The following KCNG4 variants were observed in gnomAD, a reference collection of about 807,000 sequenced individuals.
KCNG4 encodes voltage-gated potassium channel regulatory subunit KCNG4.
Under a neutral mutation model 28.2 loss-of-function variants are expected in KCNG4, and 30 were observed. The ratio of observed to expected loss-of-function variants is 1.06; its 90% CI spans 0.80 to 1.44. The LOEUF (loss-of-function observed/expected upper bound fraction) is 1.44. KCNG4 is among the 40% of genes most tolerant of loss of function. The probability of loss-of-function intolerance (pLI) is 0.00; values close to 1 mark genes in which losing one functional copy is unlikely to be tolerated. For missense variants in KCNG4, 879 were observed against 712.3 expected, an observed-to-expected ratio of 1.23 and a Z score of -2.66; for synonymous variants, 375 against 315.5, an observed-to-expected ratio of 1.19 and a Z score of -2.00.
intron 2 of KCNG4, 100 bp from the exon 3 acceptor site, chr16:84,223,120 C>G (rs894895138): frequency 2.1e-6 from 2 of 975,502 alleles, no homozygotes; most frequent in Admixed American, 3.1e-5. Flanking sequence ...GTGCTGTAAA[C>G]TTAGTCGTCC....
rs201203740 is a variant in KCNG4 at position 84,222,938 on chromosome 16, C to T, written c.839G>A (p.Arg280Gln). The change falls in exon 3 of 3, where the codon CGG becomes CAG. Residue 280 changes from arginine to glutamine, a missense_variant. By Grantham distance (43) the Arg-to-Gln change is conservative (BLOSUM62 1). Transcript: ENST00000308251. Reference sequence around the variant, plus strand: ...ACACTTGTCTTGGGCCTGGACAAACCGCAGGCAGAACTCCAGGGAGAACCA... The same window carrying T: ...ACACTTGTCTTGGGCCTGGACAAACTGCAGGCAGAACTCCAGGGAGAACCA... ...VAWFSLEFCL[R>Q]FVQAQDKCQF... 1.2e-4 allele frequency: 191 copies of T among 1,594,944 alleles called. 1 individual carries two copies. Among genetic ancestry groups the T allele is most frequent in the Non-Finnish European group, 1.4e-4 (166 of 1,169,562 alleles).
intron 2 of KCNG4, among the ~76,000 whole-genome samples, chr16:84,224,139 G>A (rs150395620): frequency 6.6e-4 from 100 of 152,134 alleles, no homozygotes; most frequent in African/African-American, 2.1e-3. Flanking sequence ...CCCATCCCAC[G>A]GAATCATATT....
chr16:84,223,026 G>A lies in KCNG4; in HGVS notation c.757-6C>T. 1 of 1,517,404 alleles carries A rather than the reference G, an allele frequency of 6.6e-7. No homozygotes were observed. Among genetic ancestry groups the A allele is most frequent in the South Asian group, 1.3e-5 (1 of 75,194 alleles). 94.0% of individuals were successfully genotyped at this position (1,517,404 alleles called of 1,614,324 possible). On this transcript the variant is annotated splice_polypyrimidine_tract_variant and splice_region_variant and intron_variant, in intron 2 of 2. Transcript: ENST00000308251. ...CACTTCCGAGAGCATTCGCCCTGCG[G>A]GGAGAAGAGGCAACAACGCGGGGTA... is the stretch of plus-strand genomic sequence containing the variant.
chr16:84,236,609 A>G (rs1904955922), intron 2 of KCNG4, 121 bp downstream of exon 2: 3 of 1,033,316 alleles, frequency 2.9e-6, no homozygotes, highest in Non-Finnish European at 4.1e-6. Flanking sequence ...CCCATGTTGG[A>G]TAATATTCAT....
rs1904611264 is a variant in KCNG4, at chr16:84,222,898, C to T, written c.879G>A (p.Gly293=). The change falls in exon 3 of 3, where the codon GGG becomes GGA. Residue 293 remains glycine, a synonymous_variant. Transcript: ENST00000308251. Reference sequence around the variant, plus strand: ...CCAGGATGTCGATGATGTTCAGGGGCCCCTGGAAGAACTGACACTTGTCTT... The same window carrying T: ...CCAGGATGTCGATGATGTTCAGGGGTCCCTGGAAGAACTGACACTTGTCTT... The part of the protein sequence containing the change: ...QAQDKCQFFQ[G]PLNIIDILAI... The T allele has an allele frequency of 2.5e-6, 4 of 1,611,478 alleles. No individual in the cohort carries two copies. The South Asian group carries it at 3.3e-5, about 13-fold the overall frequency.
At chr16:84,224,010 C>G (rs1050042208) in intron 2 of KCNG4, among the ~76,000 whole-genome samples, 1 of 152,118 alleles carries the variant, frequency 6.6e-6, no homozygotes, top group African/African-American at 2.4e-5. Flanking sequence ...TTTTGTTCTT[C>G]CTCCCCAGTA....
intron 2 of KCNG4, 60 bp downstream of exon 2, chr16:84,236,670 G>C: frequency 1.3e-6 from 2 of 1,510,522 alleles, no homozygotes. Context: ...GCCCCTAAAA[G>C]ACATCTCCGC....
At chr16:84,237,558 G>C in intron 1 of KCNG4, 33 bp from the exon 2 acceptor site, 1 of 1,396,336 alleles carries the variant, frequency 7.2e-7, no homozygotes, top group East Asian at 2.5e-5. Context: ...CAAGCAAAAG[G>C]AAGGGAAATC....
In KCNG4 at chr16:84,221,973, A is replaced by C. The variant is rs886581083; in HGVS notation, c.*244T>G. The C allele has an allele frequency of 1.8e-6, 1 of 542,672 alleles. No individual in the cohort carries two copies. The highest frequency in any genetic ancestry group is 2.3e-5 in the South Asian group (1 of 43,670). The allele number at this position is 542,672 out of a possible 1,614,324, so 33.6% of individuals were successfully genotyped here. Reference sequence around the variant, plus strand: ...CTGAGCTACTCCAGCAAGATTGGACATGCTCAGTAGATGGGCAGAGAGAGG... The same window carrying C: ...CTGAGCTACTCCAGCAAGATTGGACCTGCTCAGTAGATGGGCAGAGAGAGG... On this transcript the variant is annotated 3_prime_UTR_variant, in exon 3 of 3. Transcript: ENST00000308251.
intron 2 of KCNG4, among the ~76,000 whole-genome samples, chr16:84,227,358 C>T (rs1171109753): frequency 2.6e-5 from 4 of 152,186 alleles, no homozygotes; most frequent in African/African-American, 9.7e-5. Flanking sequence ...GGGTGGATCA[C>T]CTGGGGTCAG....
rs1290521613 is a variant in KCNG4 at position 84,222,048 on chromosome 16, G to A, written c.*169C>T. Reference sequence around the variant, plus strand: ...TCAGCCTGGGACATCGGGGCCCCGAGGGACAAGGATCACAGACACACAGCC... The same window carrying A: ...TCAGCCTGGGACATCGGGGCCCCGAAGGACAAGGATCACAGACACACAGCC... On this transcript the variant is annotated 3_prime_UTR_variant, in exon 3 of 3. Transcript: ENST00000308251. The A allele has an allele frequency of 7.8e-5, 60 of 768,134 alleles. No homozygotes were observed. The highest frequency in any genetic ancestry group is 1.0e-4 in the Non-Finnish European group (49 of 470,956). The allele number at this position is 768,134 out of a possible 1,614,324, so 47.6% of individuals were successfully genotyped here. A position where few individuals can be genotyped will look rare whatever the true frequency, so the allele number is the denominator to read the frequency against.
At chr16:84,235,025 C>G (rs993729682) in intron 2 of KCNG4, among the ~76,000 whole-genome samples, 1 of 152,174 alleles carries the variant, frequency 6.6e-6, no homozygotes, top group Admixed American at 6.5e-5. Context: ...TGGGCCCGGG[C>G]ATAAATCTCT....
chr16:84,237,252 G>T lies in KCNG4; in HGVS notation c.234C>A (p.Asp78Glu), dbSNP rs1462593734. ...TGCTCAGGCGGCTCAGCGGGAACCG[G>T]TCCAGTGTGCTCCAGGGGAGGAGAT... ...RRYLLPWSTL[D>E]RFPLSRLSKL... Residue 78 changes from aspartate (D) to glutamate (E), a missense_variant, in exon 2 of 3, where the codon GAC becomes GAA. By Grantham distance (45) the Asp-to-Glu change is conservative. Coordinates refer to ENST00000308251, the MANE Select transcript of KCNG4 (RefSeq NM_172347.3). 1 of 1,613,786 alleles carries T rather than the reference G, an allele frequency of 6.2e-7. No individual in the cohort carries two copies. The highest frequency in any genetic ancestry group is 8.5e-7 in the Non-Finnish European group (1 of 1,179,818).
In KCNG4 at chr16:84,236,879, A is replaced by G; in HGVS notation, c.607T>C (p.Cys203Arg). The change falls in exon 2 of 3, where the codon TGC (cysteine) becomes CGC (arginine). Residue 203 changes from cysteine to arginine, a missense_variant. Cys to Arg is a radical substitution (Grantham distance 180). Transcript: ENST00000308251. Reference protein sequence around the residue: ...PASHSSRWGLCMNRLREMVEN... With the variant: ...PASHSSRWGLRMNRLREMVEN... ...ACCATCTCGCGCAGCCGGTTCATGC[A>G]CAGGCCCCAGCGCGAGGAGTGCGAG... 1 of 1,613,546 alleles carries G rather than the reference A, an allele frequency of 6.2e-7. No homozygotes were observed. Among genetic ancestry groups the G allele is most frequent in the Non-Finnish European group, 8.5e-7 (1 of 1,180,006 alleles).
At chr16:84,223,057 T>A (rs1904618301) in intron 2 of KCNG4, 37 bp from the exon 3 acceptor site, 4 of 1,477,636 alleles carry the variant, frequency 2.7e-6, no homozygotes, top group Non-Finnish European at 1.8e-6. Flanking sequence ...GGGTAGAGAG[T>A]GGACTTGCAA....
rs570257946 is a variant in KCNG4 at position 84,226,865 on chromosome 16, C to T, written c.757-3845G>A. ...CTGCACTGCAGCCTGGGCGATAGAG[C>T]GAGACTCCGTCTCAAAGACAAACAT... On this transcript the variant is annotated intron_variant, in intron 2 of 2. Coordinates refer to ENST00000308251, the MANE Select transcript of KCNG4 (RefSeq NM_172347.3). The surrounding 1 kb of genome is among the most constrained non-coding windows in gnomAD (Gnocchi z 4.1). Among the ~76,000 whole-genome samples the T allele has an allele frequency of 7.9e-5, 12 of 151,934 alleles. No individual in the cohort carries two copies. The highest frequency in any genetic ancestry group is 1.3e-4 in the Admixed American group (2 of 15,280).
At chr16:84,223,488 A>G (rs1904628162) in intron 2 of KCNG4, among the ~76,000 whole-genome samples, 1 of 152,076 alleles carries the variant, frequency 6.6e-6, no homozygotes, top group Non-Finnish European at 1.5e-5. Flanking sequence ...CAAGAGAAAA[A>G]TTTGGCTTAA....
rs374797239 is a variant in KCNG4 at position 84,236,826 on chromosome 16, C to T, written c.660G>A (p.Gly220=). ...GGATGGAGAGGCAAGCGAAGACCTT[C>T]CCGGGCAGCCCGGACTGCGGGTTTT... ...MVENPQSGLP[G]KVFACLSILF... is the part of the protein sequence containing the mutation. Residue 220 remains glycine, a synonymous_variant, in exon 2 of 3, where the codon GGG becomes GGA. Coordinates refer to ENST00000308251, the MANE Select transcript of KCNG4 (RefSeq NM_172347.3). 1 of 1,613,658 alleles carries T rather than the reference C, an allele frequency of 6.2e-7. No individual in the cohort carries two copies. The highest frequency in any genetic ancestry group is 1.3e-5 in the African/African-American group (1 of 75,058).
chr16:84,222,566 C>G lies in KCNG4; in HGVS notation c.1211G>C (p.Ser404Thr). The G allele has an allele frequency of 6.2e-7, 1 of 1,613,436 alleles. No homozygotes were observed. Among genetic ancestry groups the G allele is most frequent in the Non-Finnish European group, 8.5e-7 (1 of 1,179,996 alleles). Residue 404 changes from serine (S) to threonine (T), a missense_variant, in exon 3 of 3, where the codon AGC becomes ACC. Coordinates refer to ENST00000308251, the MANE Select transcript of KCNG4 (RefSeq NM_172347.3). ...KESGRVLEFT[S>T]IPASYWWAII... is the part of the protein sequence containing the mutation. ...GGCCCACCAATAGGAGGCGGGGATG[C>G]TGGTGAACTCCAGCACCCGCCCGGA... is the stretch of plus-strand genomic sequence containing the variant.
Sources: allele counts gnomAD v4.1 joint callset (sites outside exome capture counted in the v4.1 genomes callset), GRCh38; gene constraint gnomAD v4.1.1; non-coding constraint Gnocchi (gnomAD v3.1); transcripts MANE v1.5; gene names NCBI Gene and HGNC (gene_info 2026-07-23, HGNC 2026-07-21).